AP1B1: variants seen among roughly 807,000 people sequenced by gnomAD.
AP1B1 encodes AP-1 complex subunit beta-1.
A neutral mutation model predicts 104.3 loss-of-function variants in AP1B1; 36 were observed. The observed-to-expected ratio is 0.35, with a 90% CI of 0.26 to 0.46. The LOEUF (loss-of-function observed/expected upper bound fraction) is 0.46, where lower values mean the gene tolerates loss of function less well. AP1B1 is among the 20% of genes least tolerant of loss of function. The pLI, the probability that AP1B1 is intolerant of heterozygous loss-of-function variation, is 1.00. For synonymous variants in AP1B1, 504 were observed against 517.5 expected (o/e 0.97, Z 0.35); for missense variants, 901 against 1,247.9 (o/e 0.72, Z 4.19).
chr22:29,368,697 TTC>T (rs542817282), intron 1 of AP1B1, among the ~76,000 whole-genome samples: 183 of 151,438 alleles, frequency 1.2e-3, no homozygotes, highest in African/African-American at 4.2e-3. Flanking sequence ...ATTGAAGGAA[TTC>T]TGTTTCCCCC....
At chr22:29,372,424 C>CAA (rs695265) in intron 1 of AP1B1, among the ~76,000 whole-genome samples, 1 of 53,292 alleles carries the variant, frequency 1.9e-5, no homozygotes, top group Non-Finnish European at 4.1e-5. Flanking sequence ...AACTGGGTCT[C>CAA]AAAAAAAAAA....
chr22:29,352,471 T>G lies in AP1B1; in HGVS notation c.939-646A>C, dbSNP rs115550597. Reference sequence around the variant, plus strand: ...AACATTACATACATGTTGCTGCATTTTGTTGGGGGAGGAGTGTGCTCTGTA... The same window carrying G: ...AACATTACATACATGTTGCTGCATTGTGTTGGGGGAGGAGTGTGCTCTGTA... On this transcript the variant is annotated intron_variant, in intron 7 of 22. Coordinates refer to ENST00000357586, the MANE Select transcript of AP1B1 (RefSeq NM_001127.4). 2.9e-3 allele frequency among the ~76,000 whole-genome samples: 443 copies of G among 152,300 alleles called. 1 individual carries two copies. The highest frequency in any genetic ancestry group is 0.01 in the African/African-American group (430 of 41,562).
intron 1 of AP1B1, among the ~76,000 whole-genome samples, chr22:29,374,377 C>T (rs1003298921): frequency 1.4e-4 from 21 of 152,106 alleles, no homozygotes; most frequent in African/African-American, 4.6e-4. Context: ...ATGGCCAAAA[C>T]AATAAAAAGC....
At chr22:29,363,415 C>T (rs542203909) in intron 2 of AP1B1, among the ~76,000 whole-genome samples, 3 of 152,220 alleles carry the variant, frequency 2.0e-5, no homozygotes, top group Admixed American at 6.5e-5. Context: ...TTTGGGAGTC[C>T]GAGGCAGGCG....
rs1461699311 is a variant in AP1B1 at position 29,354,802 on chromosome 22, C to G, written c.786G>C (p.Val262=). 1.2e-5 allele frequency: 20 copies of G among 1,614,108 alleles called. No individual in the cohort carries two copies. Among genetic ancestry groups the G allele is most frequent in the Non-Finnish European group, 1.6e-5 (19 of 1,180,038 alleles). Residue 262 remains valine, a synonymous_variant, in exon 7 of 23, where the codon GTG becomes GTC. Coordinates refer to ENST00000357586, the MANE Select transcript of AP1B1 (RefSeq NM_001127.4). ...ACAACATCTCCATGAACTTCATCAG[C>G]ACCTTCACAGCAGAGAGCACCACAG... is the stretch of plus-strand genomic sequence containing the variant. ...NSAVVLSAVK[V]LMKFMEMLSK...
At chr22:29,334,827 G>A (rs1376576686) in intron 16 of AP1B1, among the ~76,000 whole-genome samples, 1 of 152,248 alleles carries the variant, frequency 6.6e-6, no homozygotes, top group East Asian at 1.9e-4. Context: ...GCCTCGGCCA[G>A]AATCTGGGCC....
In AP1B1 at chr22:29,355,183, G is replaced by C. The variant is rs562028455; in HGVS notation, c.717-312C>G. ...ACCCAGGAGGTGGAGGTTACAGTGA[G>C]CCGAGATCGCGCCATTGCACTCCAG... is the stretch of plus-strand genomic sequence containing the variant. On this transcript the variant is annotated intron_variant, in intron 6 of 22. Transcript: ENST00000357586. 3.5e-3 allele frequency among the ~76,000 whole-genome samples: 528 copies of C among 152,006 alleles called. 3 individuals carry two copies. The highest frequency in any genetic ancestry group is 4.5e-3 in the Non-Finnish European group (304 of 67,994).
At chr22:29,340,266 T>G (rs1324481253) in intron 14 of AP1B1, among the ~76,000 whole-genome samples, 3 of 152,108 alleles carry the variant, frequency 2.0e-5, no homozygotes, top group Non-Finnish European at 2.9e-5. Context: ...TGGCGCTGCA[T>G]AAGGGTAAGT....
chr22:29,361,759 G>C (rs1481887373), intron 3 of AP1B1, among the ~76,000 whole-genome samples: 1 of 151,958 alleles, frequency 6.6e-6, no homozygotes, highest in Admixed American at 6.6e-5. Context: ...AGTGGGCTGG[G>C]GTGATCAGGG....
chr22:29,331,363 TG>T, intron 19 of AP1B1, 85 bp downstream of exon 19: 1 of 1,323,402 alleles, frequency 7.6e-7, no homozygotes, highest in Non-Finnish European at 1.1e-6. Context: ...GCAGTCCATC[TG>T]GACCTTGGTA....
intron 11 of AP1B1, among the ~76,000 whole-genome samples, chr22:29,346,737 G>A (rs957114265): frequency 6.6e-6 from 1 of 152,096 alleles, no homozygotes; most frequent in African/African-American, 2.4e-5. Flanking sequence ...CTTTGCTTCT[G>A]AGACAGAGGG....
At chr22:29,367,309 C>T in intron 1 of AP1B1, 39 bp from the exon 2 acceptor site, 1 of 996,854 alleles carries the variant, frequency 1.0e-6, no homozygotes, top group South Asian at 1.3e-5. Flanking sequence ...TTCAGTTATG[C>T]TCCATCCCAT....
chr22:29,335,564 T>C (rs2061626280), intron 16 of AP1B1, among the ~76,000 whole-genome samples: 1 of 152,224 alleles, frequency 6.6e-6, no homozygotes, highest in African/African-American at 2.4e-5. Context: ...AGACAGCAGC[T>C]GCCAGGTGGC....
At chr22:29,334,760 T>C (rs138828035) in intron 16 of AP1B1, among the ~76,000 whole-genome samples, 1 of 150,446 alleles carries the variant, frequency 6.6e-6, no homozygotes, top group Non-Finnish European at 1.5e-5. Flanking sequence ...ACTTGGGAAG[T>C]AGGGCTGAGG....
At chr22:29,356,364 T>C in intron 6 of AP1B1, 62 bp downstream of exon 6, 2 of 1,519,348 alleles carry the variant, frequency 1.3e-6, no homozygotes, top group East Asian at 2.3e-5. Context: ...CAGTGCCTGG[T>C]TGGAGCCCCT....
chr22:29,361,716 G>A (rs1349263085), intron 3 of AP1B1, among the ~76,000 whole-genome samples: 1 of 152,188 alleles, frequency 6.6e-6, no homozygotes, highest in South Asian at 2.1e-4. Flanking sequence ...GCTGGGTGAT[G>A]GGAACAGACA....
Position 29,342,483 on chromosome 22 carries a change from G to A in AP1B1, c.1438-100C>T, listed in dbSNP as rs927628846. 8 of 960,158 alleles carry A rather than the reference G, an allele frequency of 8.3e-6. No homozygotes were observed. The African/African-American group carries it at 9.8e-5, about 12-fold the overall frequency. 59.5% of individuals were successfully genotyped at this position (960,158 alleles called of 1,614,324 possible). On this transcript the variant is annotated intron_variant, in intron 11 of 22. Transcript: ENST00000357586. ...GAGGAATAGGGTGTTCAAAGTCCCT[G>A]GAAGCCAAGCATAGCTATTCTAGGT...
At position 29,330,477 on chromosome 22, in the gene AP1B1, G is replaced by A. The variant is rs145704465; in HGVS notation, c.2667C>T (p.Asn889=). Residue 889 remains asparagine (N), a synonymous_variant, in exon 21 of 23, where the codon AAC becomes AAT. Coordinates refer to ENST00000357586, the MANE Select transcript of AP1B1 (RefSeq NM_001127.4). ...SSNIFTVAKR[N]VEGQDMLYQS... is the part of the protein sequence containing the mutation. ...GGTAGAGCATGTCCTGGCCCTCCAC[G>A]TTCCTCTTGGCGACAGTGAAGATGT... is the stretch of plus-strand genomic sequence containing the variant. 3.5e-5 allele frequency: 56 copies of A among 1,613,578 alleles called. No homozygotes were observed. In the African/African-American group the frequency reaches 5.9e-4, roughly 17 times the overall value.
Position 29,356,449 on chromosome 22 carries a change from G to T in AP1B1, c.693C>A (p.Pro231=), listed in dbSNP as rs2061959512. 6.2e-7 allele frequency: 1 copy of T among 1,614,148 alleles called. No individual in the cohort carries two copies. Among genetic ancestry groups the T allele is most frequent in the Non-Finnish European group, 8.5e-7 (1 of 1,179,982 alleles). ...ACCTCTGGGCCTCGCGGTCGTCCTT[G>T]GGCATATAGTTGGCGAGGCAGTCCA... ...FILDCLANYM[P]KDDREAQSIC... The change falls in exon 6 of 23, where the codon CCC becomes CCA. Residue 231 remains proline (P), a synonymous_variant. Transcript: ENST00000357586.
Sources: allele counts gnomAD v4.1 joint callset (sites outside exome capture counted in the v4.1 genomes callset), GRCh38; gene constraint gnomAD v4.1.1; transcripts MANE v1.5; gene names NCBI Gene and HGNC (gene_info 2026-07-23, HGNC 2026-07-21).